The following TRAF2 variants were observed in gnomAD, a reference collection of about 807,000 sequenced individuals.
TRAF2 encodes TNF receptor associated factor 2.
In TRAF2, 6 loss-of-function variants were observed where a neutral mutation model predicts 55.6. The ratio of observed to expected loss-of-function variants is 0.11; its 90% CI spans 0.06 to 0.21. The LOEUF is 0.21. TRAF2 is among the 10% of genes least tolerant of loss of function. The probability of loss-of-function intolerance (pLI) is 1.00; values close to 1 mark genes in which losing one functional copy is unlikely to be tolerated. For missense variants in TRAF2, 561 were observed against 684.5 expected, an observed-to-expected ratio of 0.82 and a Z score of 2.01; for synonymous variants, 329 against 276.3, an observed-to-expected ratio of 1.19 and a Z score of -1.89.
chr9:136,923,844 C>T lies in TRAF2; in HGVS notation c.1139-8C>T. The T allele has an allele frequency of 6.2e-7, 1 of 1,612,856 alleles. No homozygotes were observed. The highest frequency in any genetic ancestry group is 8.5e-7 in the Non-Finnish European group (1 of 1,179,568). On this transcript the variant is annotated splice_region_variant and splice_polypyrimidine_tract_variant and intron_variant, in intron 9 of 10. Transcript: ENST00000247668. ...TCAGCTCACCAGGCACCCCTCCTGCCTCCCCAGCCTTCTACACCAGCAGGT... is the reference window on the plus strand; with the variant it reads ...TCAGCTCACCAGGCACCCCTCCTGCTTCCCCAGCCTTCTACACCAGCAGGT...
rs973307937 is a variant in TRAF2, at chr9:136,924,083, C to T, written c.1287+83C>T. On this transcript the variant is annotated intron_variant, in intron 10 of 10. Coordinates refer to ENST00000247668, the MANE Select transcript of TRAF2 (RefSeq NM_021138.4). ...GCAGCTTCTGTGGTGCAGGGTTGTGCGGGACAAGGTGGCTTGGGCTCGCTG... is the reference window on the plus strand; with the variant it reads ...GCAGCTTCTGTGGTGCAGGGTTGTGTGGGACAAGGTGGCTTGGGCTCGCTG... The T allele has an allele frequency of 9.6e-5, 148 of 1,537,350 alleles. 1 individual carries two copies. Among genetic ancestry groups the T allele is most frequent in the East Asian group, 7.2e-4 (31 of 42,964 alleles).
chr9:136,913,121 C>T (rs920195329), intron 6 of TRAF2, among the ~76,000 whole-genome samples: 15 of 151,920 alleles, frequency 9.9e-5, no homozygotes, highest in Non-Finnish European at 5.9e-5. Context: ...CCAGCCTGGG[C>T]CACAGAGTGA....
chr9:136,896,501 C>T (rs374856825), intron 1 of TRAF2, among the ~76,000 whole-genome samples: 142 of 152,302 alleles, frequency 9.3e-4, no homozygotes, highest in Non-Finnish European at 1.6e-3. Context: ...TTCTCTTGGG[C>T]GTCTGTGCCG....
intron 7 of TRAF2, 95 bp from the exon 8 acceptor site, chr9:136,920,139 C>A (rs1850348768): frequency 6.9e-7 from 1 of 1,444,204 alleles, no homozygotes; most frequent in African/African-American, 1.4e-5. Context: ...TGGCCTGTCT[C>A]CTCAGCTCAG....
chr9:136,903,972 G>A lies in TRAF2; in HGVS notation c.366+3452G>A, dbSNP rs17250805. ...GCTGGGATTACAGGCGTGAGCCACC[G>A]CGCCCAGCCAAGAAAGATTTTATTT... On this transcript the variant is annotated intron_variant, in intron 4 of 10. Coordinates refer to ENST00000247668, the MANE Select transcript of TRAF2 (RefSeq NM_021138.4). Among the ~76,000 whole-genome samples, 1,043 of 152,116 alleles carry A rather than the reference G, an allele frequency of 6.9e-3. 5 individuals are homozygous for A. Among genetic ancestry groups the A allele is most frequent in the Admixed American group, 0.023 (356 of 15,276 alleles).
intron 4 of TRAF2, among the ~76,000 whole-genome samples, chr9:136,907,708 G>C (rs1369962197): frequency 6.6e-6 from 1 of 152,162 alleles, no homozygotes; most frequent in South Asian, 2.1e-4. Flanking sequence ...CTGCTTTCTC[G>C]GTTAGGAGCT....
chr9:136,905,582 G>T (rs183552422), intron 4 of TRAF2, among the ~76,000 whole-genome samples: 132 of 152,302 alleles, frequency 8.7e-4, no homozygotes, highest in African/African-American at 3.0e-3. Context: ...CTTGAAAATG[G>T]TTAAGATGAT....
At chr9:136,896,375 G>A (rs538715202) in intron 1 of TRAF2, among the ~76,000 whole-genome samples, 3 of 152,326 alleles carry the variant, frequency 2.0e-5, no homozygotes, top group Non-Finnish European at 1.5e-5. Flanking sequence ...CCTCATGACC[G>A]GCCCTGGTTC....
chr9:136,887,414 C>G (rs1377288216), intron 1 of TRAF2, among the ~76,000 whole-genome samples: 1 of 152,128 alleles, frequency 6.6e-6, no homozygotes, highest in Non-Finnish European at 1.5e-5. Flanking sequence ...ACGGTCAGGG[C>G]CAGAGCTGGG....
intron 10 of TRAF2, among the ~76,000 whole-genome samples, chr9:136,924,880 A>T (rs1850485400): frequency 6.6e-6 from 1 of 152,040 alleles, no homozygotes. Flanking sequence ...CTGGGACTAC[A>T]GGCATGCACC....
rs1564423902 is a variant in TRAF2, at chr9:136,924,888, A to ACG, written c.1288-794_1288-793insGC. On this transcript the variant is annotated intron_variant, in intron 10 of 10. Transcript: ENST00000247668. ...TGAGTAGCTGGGACTACAGGCATGC[A>ACG]CCACCACGCCCAGCTAATTTTTGTA... Among the ~76,000 whole-genome samples, 12 of 151,962 alleles carry ACG rather than the reference A, an allele frequency of 7.9e-5. No individual in the cohort carries two copies. The East Asian group carries it at 2.4e-3, about 30-fold the overall frequency.
chr9:136,926,151 G>C lies in TRAF2; in HGVS notation c.*250G>C. Reference sequence around the variant, plus strand: ...CAAGGGCTGTGGTGGCATTGGCCGAGGGTCTTCGGGTGCTTCCCAGCACAA... The same window carrying C: ...CAAGGGCTGTGGTGGCATTGGCCGACGGTCTTCGGGTGCTTCCCAGCACAA... On this transcript the variant is annotated 3_prime_UTR_variant, in exon 11 of 11. Transcript: ENST00000247668. 1.5e-6 allele frequency: 1 copy of C among 670,726 alleles called. No individual in the cohort carries two copies. Among genetic ancestry groups the C allele is most frequent in the Non-Finnish European group, 2.7e-6 (1 of 364,754 alleles). 41.5% of individuals were successfully genotyped at this position (670,726 alleles called of 1,614,324 possible).
upstream of TRAF2, chr9:136,886,271 G>T: frequency 2.3e-6 from 1 of 441,356 alleles, no homozygotes; most frequent in Non-Finnish European, 3.0e-6. Context: ...AAAGCAGAGG[G>T]CGACTTAGGT....
chr9:136,885,147 T>G (rs1375237861), upstream of TRAF2, among the ~76,000 whole-genome samples: 1 of 152,194 alleles, frequency 6.6e-6, no homozygotes, highest in Non-Finnish European at 1.5e-5. Flanking sequence ...GCAAACCAAG[T>G]AACATATATG....
At chr9:136,888,582 G>A (rs1349738001) in intron 1 of TRAF2, among the ~76,000 whole-genome samples, 1 of 152,244 alleles carries the variant, frequency 6.6e-6, no homozygotes, top group East Asian at 1.9e-4. Context: ...CGAGGCCTGG[G>A]TTGAACCCAA....
At chr9:136,916,484 A>G in intron 6 of TRAF2, 57 bp from the exon 7 acceptor site, 1 of 1,554,040 alleles carries the variant, frequency 6.4e-7, no homozygotes, top group Non-Finnish European at 8.9e-7. Context: ...TCCATGTGGA[A>G]GTGCTGAAAT....
At chr9:136,922,995 G>C (rs1210844794) in intron 9 of TRAF2, among the ~76,000 whole-genome samples, 1 of 152,160 alleles carries the variant, frequency 6.6e-6, no homozygotes, top group African/African-American at 2.4e-5. Context: ...GGTGGTCCTG[G>C]TGCTGCCACA....
rs1300927833 is a variant in TRAF2 at position 136,898,785 on chromosome 9, A to C, written c.45A>C (p.Leu15=). The C allele has an allele frequency of 2.5e-6, 4 of 1,613,712 alleles. No homozygotes were observed. The Admixed American group carries it at 6.7e-5, about 27-fold the overall frequency. ...SVTPPGSLEL[L]QPGFSKTLLG... ...CCCCCCCTGGCTCCCTGGAGTTGCT[A>C]CAGCCCGGCTTCTCCAAGACCCTCC... is the stretch of plus-strand genomic sequence containing the variant. The change falls in exon 2 of 11, where the codon CTA becomes CTC. Residue 15 remains leucine (L), a synonymous_variant. Transcript: ENST00000247668.
In TRAF2 at chr9:136,921,185, G is replaced by A. The variant is rs1167540238; in HGVS notation, c.1108G>A (p.Ala370Thr). Reference protein sequence around the residue: ...DFARKRQEAVAGRIPAIFSPA... With the variant: ...DFARKRQEAVTGRIPAIFSPA... ...CGCCAGGAAGCGCCAGGAAGCTGTG[G>A]CTGGCCGCATACCCGCCATCTTCTC... The change falls in exon 9 of 11, where the codon GCT (alanine) becomes ACT (threonine). Residue 370 changes from alanine (A) to threonine (T), a missense_variant. This residue lies in a region of TRAF2 where 135 missense variants were observed against 207.7 expected (regional missense o/e 0.65). Coordinates refer to ENST00000247668, the MANE Select transcript of TRAF2 (RefSeq NM_021138.4). 22 of 1,613,792 alleles carry A rather than the reference G, an allele frequency of 1.4e-5. No homozygotes were observed. Among genetic ancestry groups the A allele is most frequent in the Non-Finnish European group, 1.8e-5 (21 of 1,180,036 alleles).
Sources: allele counts gnomAD v4.1 joint callset (sites outside exome capture counted in the v4.1 genomes callset), GRCh38; gene constraint gnomAD v4.1.1; regional missense constraint gnomAD v4.1.1; transcripts MANE v1.5; gene names NCBI Gene and HGNC (gene_info 2026-07-23, HGNC 2026-07-21).